Variants in GPR39 observed in about 807,000 individuals in gnomAD.
GPR39 encodes G protein-coupled receptor 39.
GPR39 carries 23 observed loss-of-function variants against 18.4 expected under a neutral mutation model. The observed-to-expected ratio is 1.25, with a 90% CI of 0.90 to 1.77. GPR39 has a LOEUF of 1.77. Among genes scored for constraint, GPR39 ranks in the 40% most tolerant of loss-of-function variants. The pLI, the probability that GPR39 is intolerant of heterozygous loss-of-function variation, is 0.00. For missense variants in GPR39, 647 were observed against 602.4 expected, an observed-to-expected ratio of 1.07 and a Z score of -0.78; for synonymous variants, 280 against 257.9, an observed-to-expected ratio of 1.09 and a Z score of -0.82.
At chr2:132,601,578 C>T (rs969842988) in intron 1 of GPR39, among the ~76,000 whole-genome samples, 2 of 151,996 alleles carry the variant, frequency 1.3e-5, no homozygotes, top group Non-Finnish European at 2.9e-5. Context: ...AAAGTCCTCA[C>T]CAGAGTAATT....
intron 1 of GPR39, among the ~76,000 whole-genome samples, chr2:132,449,505 C>T (rs907905220): frequency 6.6e-6 from 1 of 152,146 alleles, no homozygotes; most frequent in Non-Finnish European, 1.5e-5. Flanking sequence ...CCTCAGCCTC[C>T]CAAAGTGCTG....
intron 1 of GPR39, among the ~76,000 whole-genome samples, chr2:132,634,873 C>G (rs1057080156): frequency 6.6e-6 from 1 of 152,144 alleles, no homozygotes; most frequent in African/African-American, 2.4e-5. Flanking sequence ...TCTGTTTGTA[C>G]CCCATAGGGC....
intron 1 of GPR39, among the ~76,000 whole-genome samples, chr2:132,622,676 T>C (rs1421144095): frequency 6.6e-6 from 1 of 152,184 alleles, no homozygotes; most frequent in Non-Finnish European, 1.5e-5. Flanking sequence ...TTTGTGGCAA[T>C]TGATTGAAAG....
In GPR39 at chr2:132,417,798, C is replaced by T. The variant is rs1015280427; in HGVS notation, c.756C>T (p.Ser252=). Reference sequence around the variant, plus strand: ...ACATGATGCAGGTGCTCATGAAAAGCCAGAAGGGCTCGCTGGCCGGGGGCA... The same window carrying T: ...ACATGATGCAGGTGCTCATGAAAAGTCAGAAGGGCTCGCTGGCCGGGGGCA... ...CWNMMQVLMK[S]QKGSLAGGTR... is the part of the protein sequence containing the mutation. The change falls in exon 1 of 2, where the codon AGC becomes AGT. Residue 252 remains serine (S), a synonymous_variant. Transcript: ENST00000329321. 3 of 1,614,122 alleles carry T rather than the reference C, an allele frequency of 1.9e-6. No individual in the cohort carries two copies. Among genetic ancestry groups the T allele is most frequent in the Non-Finnish European group, 2.5e-6 (3 of 1,180,036 alleles).
chr2:132,521,782 A>C (rs1422220598), intron 1 of GPR39, among the ~76,000 whole-genome samples: 2 of 152,204 alleles, frequency 1.3e-5, no homozygotes, highest in Non-Finnish European at 2.9e-5. Flanking sequence ...GAAAACTGGC[A>C]GAATTCCATT....
intron 1 of GPR39, among the ~76,000 whole-genome samples, chr2:132,601,266 G>C (rs1488779203): frequency 6.6e-6 from 1 of 152,106 alleles, no homozygotes; most frequent in African/African-American, 2.4e-5. Context: ...AATACACCCT[G>C]ATCAAATGGG....
intron 1 of GPR39, among the ~76,000 whole-genome samples, chr2:132,493,303 T>TATATATACCATATATATACACATACC (rs1258208920): frequency 2.1e-5 from 3 of 145,832 alleles, no homozygotes; most frequent in African/African-American, 7.6e-5. Context: ...ATATACACCA[T>TATATATACCATATATATACACATACC]ATATATACCA....
intron 1 of GPR39, among the ~76,000 whole-genome samples, chr2:132,510,109 G>T (rs896682077): frequency 1.3e-5 from 2 of 152,200 alleles, no homozygotes; most frequent in Admixed American, 1.3e-4. Flanking sequence ...TGGTTGAGAT[G>T]GTTGGTCATA....
At chr2:132,549,306 G>A (rs1680000455) in intron 1 of GPR39, among the ~76,000 whole-genome samples, 1 of 152,212 alleles carries the variant, frequency 6.6e-6, no homozygotes, top group Admixed American at 6.5e-5. Context: ...GCCTGTACAT[G>A]GTAGGCATTC....
chr2:132,621,187 C>T (rs1681434786), intron 1 of GPR39, among the ~76,000 whole-genome samples: 1 of 152,230 alleles, frequency 6.6e-6, no homozygotes, highest in African/African-American at 2.4e-5. Context: ...AGTCCCTCTC[C>T]CAGCTGGACC....
chr2:132,645,066 TTC>T (rs1430454662), intron 1 of GPR39, 33 bp from the exon 2 acceptor site: 12 of 1,579,566 alleles, frequency 7.6e-6, no homozygotes, highest in Non-Finnish European at 9.5e-6. Context: ...TGTTTTTCTT[TTC>T]TCTGTCTCTC....
intron 1 of GPR39, among the ~76,000 whole-genome samples, chr2:132,625,972 T>C (rs1363190308): frequency 5.9e-5 from 9 of 151,600 alleles, no homozygotes; most frequent in African/African-American, 1.2e-4. Context: ...TGGTGGTGGG[T>C]GCCTATAGTC....
Position 132,482,875 on chromosome 2 carries a change from G to T in GPR39, c.856+64977G>T, listed in dbSNP as rs1441162291. Among the ~76,000 whole-genome samples, 6 of 152,132 alleles carry T rather than the reference G, an allele frequency of 3.9e-5. No individual in the cohort carries two copies. The South Asian group carries it at 8.3e-4, about 21-fold the overall frequency. On this transcript the variant is annotated intron_variant, in intron 1 of 1. Transcript: ENST00000329321. ...ACCTTACCCATGTGTTCTATAAAAAGAAATTCTTACAGTGTAAGTACTTAG... is the reference window on the plus strand; with the variant it reads ...ACCTTACCCATGTGTTCTATAAAAATAAATTCTTACAGTGTAAGTACTTAG...
chr2:132,493,576 G>A (rs943086635), intron 1 of GPR39, among the ~76,000 whole-genome samples: 4 of 150,090 alleles, frequency 2.7e-5, no homozygotes, highest in African/African-American at 9.9e-5. Context: ...ATTGGATATG[G>A]GGGAGGAGAG....
At chr2:132,566,841 C>T (rs1476072463) in intron 1 of GPR39, among the ~76,000 whole-genome samples, 1 of 152,212 alleles carries the variant, frequency 6.6e-6, no homozygotes, top group East Asian at 1.9e-4. Context: ...AAGGCCTTTT[C>T]CTTCCCGTGA....
At chr2:132,590,780 T>C (rs1680813189) in intron 1 of GPR39, among the ~76,000 whole-genome samples, 1 of 151,900 alleles carries the variant, frequency 6.6e-6, no homozygotes. Context: ...TAATATTGAG[T>C]GTCAACTTGA....
intron 1 of GPR39, among the ~76,000 whole-genome samples, chr2:132,595,234 A>G (rs1680916545): frequency 1.3e-5 from 2 of 152,154 alleles, no homozygotes; most frequent in South Asian, 2.1e-4. Context: ...TCCTGACCTC[A>G]TGATCTGCCC....
chr2:132,630,709 TG>T (rs1293475323), intron 1 of GPR39, among the ~76,000 whole-genome samples: 1 of 151,792 alleles, frequency 6.6e-6, no homozygotes, highest in Non-Finnish European at 1.5e-5. Flanking sequence ...GTTGTGGCAG[TG>T]GGAATGGTGA....
intron 1 of GPR39, among the ~76,000 whole-genome samples, chr2:132,488,259 C>T (rs1681383270): frequency 6.6e-6 from 1 of 151,924 alleles, no homozygotes; most frequent in East Asian, 1.9e-4. Flanking sequence ...TCAACTTGAC[C>T]AGATATAAAA....
Sources: gnomAD v4.1 joint callset for allele counts (sites outside exome capture counted in the v4.1 genomes callset) on GRCh38, gnomAD v4.1.1 for gene constraint, MANE v1.5 for transcripts, NCBI Gene and HGNC (gene_info 2026-07-23, HGNC 2026-07-21) for gene names.